Variants in EEFSEC observed in about 807,000 individuals in gnomAD.
EEFSEC encodes the protein eukaryotic elongation factor, selenocysteine-tRNA specific.
EEFSEC carries 43 observed loss-of-function variants against 42.1 expected under a neutral mutation model. The observed-to-expected ratio is 1.02, with a 90% CI of 0.80 to 1.32. EEFSEC has a LOEUF of 1.32. Ranked by LOEUF, EEFSEC falls within the 40% of genes most tolerant of loss-of-function variation. The probability of loss-of-function intolerance (pLI) is 0.00; values close to 1 mark genes in which losing one functional copy is unlikely to be tolerated. For missense variants in EEFSEC, 745 were observed against 803.6 expected, an observed-to-expected ratio of 0.93 and a Z score of 0.88; for synonymous variants, 354 against 339.1, an observed-to-expected ratio of 1.04 and a Z score of -0.48.
chr3:128,229,633 T>C (rs931957928), intron 1 of EEFSEC, among the ~76,000 whole-genome samples: 1 of 152,272 alleles, frequency 6.6e-6, no homozygotes, highest in Non-Finnish European at 1.5e-5. Context: ...GTTCTCACAC[T>C]AGGGAGCTAC....
chr3:128,248,930 C>A (rs2107902852), intron 2 of EEFSEC, among the ~76,000 whole-genome samples: 1 of 152,354 alleles, frequency 6.6e-6, no homozygotes, highest in African/African-American at 2.4e-5. Context: ...TCCTTGGAAG[C>A]CCCTCCTGCC....
At chr3:128,373,562 G>A (rs2067676703) in intron 6 of EEFSEC, among the ~76,000 whole-genome samples, 1 of 152,214 alleles carries the variant, frequency 6.6e-6, no homozygotes, top group African/African-American at 2.4e-5. Flanking sequence ...GCGAGCCTTT[G>A]GTTGGTGAGC....
chr3:128,407,614 C>G (rs1489078554), intron 6 of EEFSEC, among the ~76,000 whole-genome samples: 1 of 152,228 alleles, frequency 6.6e-6, no homozygotes, highest in Admixed American at 6.5e-5. Context: ...TCTTCCCACA[C>G]TCTGGCCTGT....
chr3:128,321,690 C>T (rs570542184), intron 4 of EEFSEC, among the ~76,000 whole-genome samples: 15 of 152,298 alleles, frequency 9.8e-5, no homozygotes, highest in Admixed American at 5.9e-4. Flanking sequence ...GAAGGGCCTT[C>T]CCAGGAGCAT....
At chr3:128,263,291 G>A (rs1280182141) in intron 3 of EEFSEC, among the ~76,000 whole-genome samples, 1 of 152,238 alleles carries the variant, frequency 6.6e-6, no homozygotes, top group Non-Finnish European at 1.5e-5. Context: ...GAGTTACACG[G>A]TGGAGCTGGG....
intron 6 of EEFSEC, among the ~76,000 whole-genome samples, chr3:128,403,696 A>ACCCAC (rs71278678): frequency 0.34 from 51,382 of 151,644 alleles, 9,979 homozygotes; most frequent in African/African-American, 0.53. Flanking sequence ...CCTCTCGCAT[A>ACCCAC]CCCTAGGAAT....
intron 1 of EEFSEC, among the ~76,000 whole-genome samples, chr3:128,165,814 A>G (rs1214041856): frequency 6.6e-6 from 1 of 152,218 alleles, no homozygotes; most frequent in Non-Finnish European, 1.5e-5. Context: ...TGGTGGCTAC[A>G]TCCCTTACCA....
rs779133028 is a variant in EEFSEC at position 128,341,681 on chromosome 3, C to G, written c.1235C>G (p.Ala412Gly). Residue 412 changes from alanine (A) to glycine (G), a missense_variant, in exon 5 of 7, where the codon GCC becomes GGC. By Grantham distance (60) the Ala-to-Gly change is moderately conservative. Transcript: ENST00000254730. Reference sequence around the variant, plus strand: ...GGCCATTGTCCTCGGCAGCAGTGGGCCCTGGTGGAGTTTGAGAAGCCCGTC... The same window carrying G: ...GGCCATTGTCCTCGGCAGCAGTGGGGCCTGGTGGAGTTTGAGAAGCCCGTC... Reference protein sequence around the residue: ...TEGHCPRQQWALVEFEKPVTC... With the variant: ...TEGHCPRQQWGLVEFEKPVTC... 7.4e-5 allele frequency: 119 copies of G among 1,613,980 alleles called. No individual in the cohort carries two copies. The highest frequency in any genetic ancestry group is 9.9e-5 in the Non-Finnish European group (117 of 1,180,050).
chr3:128,155,713 C>T (rs1944368726), intron 1 of EEFSEC, among the ~76,000 whole-genome samples: 1 of 152,198 alleles, frequency 6.6e-6, no homozygotes, highest in Non-Finnish European at 1.5e-5. Context: ...TCATTGGTCA[C>T]TGGGCATTCT....
chr3:128,308,836 C>T (rs1576626425), intron 4 of EEFSEC, among the ~76,000 whole-genome samples: 1 of 152,146 alleles, frequency 6.6e-6, no homozygotes, highest in Admixed American at 6.5e-5. Flanking sequence ...CTCAAGACAC[C>T]GCCCCTGCTG....
At chr3:128,209,992 T>C (rs1201566950) in intron 1 of EEFSEC, among the ~76,000 whole-genome samples, 1 of 152,258 alleles carries the variant, frequency 6.6e-6, no homozygotes, top group African/African-American at 2.4e-5. Flanking sequence ...ACTGAAGGCT[T>C]GTAAACAGGA....
At chr3:128,211,155 C>T (rs2065751732) in intron 1 of EEFSEC, among the ~76,000 whole-genome samples, 1 of 152,192 alleles carries the variant, frequency 6.6e-6, no homozygotes, top group East Asian at 1.9e-4. Flanking sequence ...TGTCTTAGCC[C>T]AAGGTATACT....
chr3:128,270,891 G>A (rs2066406449), intron 4 of EEFSEC, among the ~76,000 whole-genome samples: 2 of 152,134 alleles, frequency 1.3e-5, no homozygotes, highest in Non-Finnish European at 2.9e-5. Flanking sequence ...GCTTGTATTT[G>A]TCTTTGTGCC....
rs565367456 is a variant in EEFSEC, at chr3:128,238,755, G to T, written c.317-8081G>T. On this transcript the variant is annotated intron_variant, in intron 1 of 6. Transcript: ENST00000254730. Reference sequence around the variant, plus strand: ...TCTGCCCACTTCAGCCTCCCAAAGTGTGTAATGGCTGTTATTTGAATTGTG... The same window carrying T: ...TCTGCCCACTTCAGCCTCCCAAAGTTTGTAATGGCTGTTATTTGAATTGTG... 8.6e-4 allele frequency among the ~76,000 whole-genome samples: 131 copies of T among 152,360 alleles called. 1 individual carries two copies. The highest frequency in any genetic ancestry group is 2.1e-3 in the South Asian group (10 of 4,834).
intron 1 of EEFSEC, among the ~76,000 whole-genome samples, chr3:128,167,868 C>T (rs912931652): frequency 3.9e-5 from 6 of 152,130 alleles, no homozygotes; most frequent in Admixed American, 6.5e-5. Flanking sequence ...AGGTTTTTGC[C>T]GGCAATCTTC....
intron 1 of EEFSEC, among the ~76,000 whole-genome samples, chr3:128,171,465 T>G (rs1045562213): frequency 6.6e-6 from 1 of 152,126 alleles, no homozygotes; most frequent in African/African-American, 2.4e-5. Flanking sequence ...GATGGGAAGA[T>G]TTTTGTTTGA....
chr3:128,316,147 G>A lies in EEFSEC; in HGVS notation c.787-25086G>A, dbSNP rs142449743. 4.7e-3 allele frequency among the ~76,000 whole-genome samples: 721 copies of A among 152,286 alleles called. 4 individuals carry two copies. Among genetic ancestry groups the A allele is most frequent in the Non-Finnish European group, 7.6e-3 (517 of 68,016 alleles). ...TTTGTGGATTTATTTTTCAAAGAGC[G>A]TGGTATTTATTCAGTTATAATAGAA... On this transcript the variant is annotated intron_variant, in intron 4 of 6. Transcript: ENST00000254730.
At chr3:128,421,938 C>A in the EEFSEC span, among the ~76,000 whole-genome samples, 4 of 152,208 alleles carry the variant, frequency 2.6e-5, no homozygotes, top group Non-Finnish European at 5.9e-5. Context: ...CCGCACTCCC[C>A]CGGCCGACTG....
At chr3:128,307,498 G>C (rs1399399921) in intron 4 of EEFSEC, among the ~76,000 whole-genome samples, 1 of 152,218 alleles carries the variant, frequency 6.6e-6, no homozygotes, top group Non-Finnish European at 1.5e-5. Flanking sequence ...CCCACAGGGT[G>C]CCTGATGAGC....
Sources: allele counts gnomAD v4.1 joint callset (sites outside exome capture counted in the v4.1 genomes callset), GRCh38; gene constraint gnomAD v4.1.1; transcripts MANE v1.5; gene names NCBI Gene and HGNC (gene_info 2026-07-23, HGNC 2026-07-21).